The following SLC41A2 variants were observed in gnomAD, a reference collection of about 807,000 sequenced individuals.
SLC41A2 encodes the protein SLC41A1-like 1.
SLC41A2 carries 32 observed loss-of-function variants against 58.3 expected under a neutral mutation model. The ratio of observed to expected loss-of-function variants is 0.55; its 90% CI spans 0.41 to 0.74. The LOEUF (loss-of-function observed/expected upper bound fraction) is 0.74. Among genes scored for constraint, SLC41A2 ranks in the 30% least tolerant of loss-of-function variants. The probability of loss-of-function intolerance (pLI) is 0.00; values close to 1 mark genes in which losing one functional copy is unlikely to be tolerated. For synonymous variants in SLC41A2, 190 were observed against 235.0 expected (o/e 0.81, Z 1.75); for missense variants, 514 against 680.6 (o/e 0.76, Z 2.72).
intron 3 of SLC41A2, among the ~76,000 whole-genome samples, chr12:104,907,129 T>C (rs754460220): frequency 6.6e-5 from 10 of 152,186 alleles, no homozygotes; most frequent in Non-Finnish European, 1.5e-4. Context: ...TCTGTAACTG[T>C]CATTATCTAT....
intron 8 of SLC41A2, among the ~76,000 whole-genome samples, chr12:104,847,156 C>T (rs761520013): frequency 1.5e-4 from 23 of 150,196 alleles, no homozygotes; most frequent in Middle Eastern, 3.4e-3. Context: ...AAGACAGAGA[C>T]ATAAATTAAA....
rs11112205 is a variant in SLC41A2, at chr12:104,830,193, T to C, written c.1536+14279A>G. ...TAAGGCTAAGCTCAAATCTTATTTA[T>C]CACTTAACTACTACAGTTGTCCCTC... On this transcript the variant is annotated intron_variant, in intron 10 of 10. Coordinates refer to ENST00000258538, the MANE Select transcript of SLC41A2 (RefSeq NM_001352171.3). Among the ~76,000 whole-genome samples the C allele has an allele frequency of 4.5e-3, 683 of 152,348 alleles. 5 individuals carry two copies. The highest frequency in any genetic ancestry group is 0.016 in the African/African-American group (650 of 41,572).
intron 10 of SLC41A2, among the ~76,000 whole-genome samples, chr12:104,820,703 G>A (rs2041597535): frequency 6.6e-6 from 1 of 151,882 alleles, no homozygotes; most frequent in Non-Finnish European, 1.5e-5. Context: ...GTGCAATGGT[G>A]CGATCTTGGC....
intron 5 of SLC41A2, among the ~76,000 whole-genome samples, chr12:104,887,546 GA>G (rs916159582): frequency 2.1e-4 from 31 of 151,138 alleles, no homozygotes; most frequent in Non-Finnish European, 2.7e-4. Context: ...CATTGAAAAA[GA>G]AAAAAAGCTA....
At chr12:104,834,112 G>A in intron 10 of SLC41A2, 1 of 985,366 alleles carries the variant, frequency 1.0e-6, no homozygotes. Flanking sequence ...CAAGCATGCT[G>A]TGCCTCCAAT....
intron 10 of SLC41A2, among the ~76,000 whole-genome samples, chr12:104,836,866 G>A (rs188882971): frequency 1.5e-4 from 23 of 152,220 alleles, no homozygotes; most frequent in African/African-American, 5.1e-4. Context: ...AATATTAATA[G>A]ACTATTTTAA....
rs982910002 is a variant in SLC41A2, at chr12:104,802,040, T to A, written c.*3112A>T. On this transcript the variant is annotated 3_prime_UTR_variant, in exon 11 of 11. Coordinates refer to ENST00000258538, the MANE Select transcript of SLC41A2 (RefSeq NM_001352171.3). ...TATACCATAGATATAAGGCAAGGAA[T>A]CCCAATTACTGATTTTTTTGAATGG... Among the ~76,000 whole-genome samples the A allele has an allele frequency of 6.6e-6, 1 of 152,174 alleles. No homozygotes were observed. Among genetic ancestry groups the A allele is most frequent in the Non-Finnish European group, 1.5e-5 (1 of 68,018 alleles).
intron 2 of SLC41A2, among the ~76,000 whole-genome samples, chr12:104,921,681 T>A (rs1379265473): frequency 6.6e-6 from 1 of 152,014 alleles, no homozygotes; most frequent in Non-Finnish European, 1.5e-5. Flanking sequence ...AGATAAAAAA[T>A]CCACTGGTAA....
chr12:104,885,430 C>T (rs914888222), intron 6 of SLC41A2, among the ~76,000 whole-genome samples: 17 of 152,072 alleles, frequency 1.1e-4, no homozygotes, highest in South Asian at 2.1e-4. Context: ...CTTCTTAAAA[C>T]GAAACATGCT....
rs1007669053 is a variant in SLC41A2, at chr12:104,924,762, T to C, written c.555+3211A>G. Among the ~76,000 whole-genome samples the C allele has an allele frequency of 1.6e-4, 24 of 151,392 alleles. 1 individual carries two copies. In the Middle Eastern group the frequency reaches 0.014, roughly 86 times the overall value. ...TCTGTCTCAAAAAAAAAAAAGAGTC[T>C]GGAAGCACCATTCCTCCCAATGTCC... On this transcript the variant is annotated intron_variant, in intron 2 of 10. Coordinates refer to ENST00000258538, the MANE Select transcript of SLC41A2 (RefSeq NM_001352171.3).
intron 8 of SLC41A2, among the ~76,000 whole-genome samples, chr12:104,847,116 T>G (rs1425840765): frequency 6.6e-6 from 1 of 151,546 alleles, no homozygotes; most frequent in African/African-American, 2.4e-5. Context: ...AGTTAAAGGA[T>G]CTAGTGGAAA....
At chr12:104,909,112 T>C (rs1471862493) in intron 3 of SLC41A2, among the ~76,000 whole-genome samples, 2 of 152,158 alleles carry the variant, frequency 1.3e-5, no homozygotes, top group African/African-American at 2.4e-5. Flanking sequence ...AATGAGAATA[T>C]ATAGAATTCT....
At chr12:104,904,392 T>G (rs2045710450) in intron 3 of SLC41A2, among the ~76,000 whole-genome samples, 1 of 152,208 alleles carries the variant, frequency 6.6e-6, no homozygotes, top group Non-Finnish European at 1.5e-5. Flanking sequence ...CTCTTCATTC[T>G]CTTCTCCCGC....
chr12:104,878,163 G>A (rs1001847083), intron 6 of SLC41A2, among the ~76,000 whole-genome samples: 2 of 151,344 alleles, frequency 1.3e-5, no homozygotes, highest in African/African-American at 2.4e-5. Flanking sequence ...ATTCTTCAAC[G>A]GCATTCTCTT....
intron 8 of SLC41A2, among the ~76,000 whole-genome samples, chr12:104,855,723 A>G (rs1052269941): frequency 5.3e-5 from 8 of 152,106 alleles, no homozygotes; most frequent in Non-Finnish European, 1.2e-4. Flanking sequence ...CCTCCTTCTA[A>G]CCAATGCATC....
In SLC41A2 at chr12:104,844,452, CAAG is replaced by C. The variant is rs746245902; in HGVS notation, c.1536+17_1536+19del. 3 of 1,384,562 alleles carry C rather than the reference CAAG, an allele frequency of 2.2e-6. No homozygotes were observed. The highest frequency in any genetic ancestry group is 2.8e-5 in the Admixed American group (1 of 35,504). 85.8% of individuals were successfully genotyped at this position (1,384,562 alleles called of 1,614,324 possible). ...AGCAGTCTCAGCATAAAAGAGATTTCAAGAAGTTTTAACTCTTACCTGTAACAC... is the reference window on the plus strand; with the variant it reads ...AGCAGTCTCAGCATAAAAGAGATTTCAAGTTTTAACTCTTACCTGTAACAC... On this transcript the variant is annotated intron_variant, in intron 10 of 10. Transcript: ENST00000258538.
intron 7 of SLC41A2, among the ~76,000 whole-genome samples, chr12:104,864,455 T>C (rs1014944602): frequency 1.3e-5 from 2 of 152,224 alleles, no homozygotes; most frequent in African/African-American, 4.8e-5. Context: ...CCCAGTGCTT[T>C]ATATGTAACT....
intron 10 of SLC41A2, among the ~76,000 whole-genome samples, chr12:104,810,083 A>G (rs1363482209): frequency 6.6e-6 from 1 of 152,176 alleles, no homozygotes; most frequent in Non-Finnish European, 1.5e-5. Flanking sequence ...GGAGGGTAGG[A>G]GATGTGAACT....
chr12:104,921,006 A>G (rs945460081), intron 2 of SLC41A2, among the ~76,000 whole-genome samples: 1 of 151,862 alleles, frequency 6.6e-6, no homozygotes, highest in African/African-American at 2.4e-5. Flanking sequence ...CCAACTACTT[A>G]GGAACTGAGG....
Sources: gnomAD v4.1 joint callset for allele counts (sites outside exome capture counted in the v4.1 genomes callset) on GRCh38, gnomAD v4.1.1 for gene constraint, MANE v1.5 for transcripts, NCBI Gene and HGNC (gene_info 2026-07-23, HGNC 2026-07-21) for gene names.